The following GPC6 variants were observed in gnomAD, a reference collection of about 807,000 sequenced individuals.
GPC6 encodes the protein glypican-6.
A neutral mutation model predicts 55.2 loss-of-function variants in GPC6; 14 were observed. The ratio of observed to expected loss-of-function variants is 0.25; its 90% CI spans 0.17 to 0.40. The LOEUF is 0.40. Among genes scored for constraint, GPC6 ranks in the 10% least tolerant of loss-of-function variants. The probability of loss-of-function intolerance (pLI) is 1.00; values close to 1 mark genes in which losing one functional copy is unlikely to be tolerated. For missense variants in GPC6, 641 were observed against 708.5 expected (o/e 0.90, Z 1.08); for synonymous variants, 278 against 259.6 (o/e 1.07, Z -0.68).
intron 1 of GPC6, among the ~76,000 whole-genome samples, chr13:93,243,395 A>G (rs1423394678): frequency 6.6e-6 from 1 of 152,096 alleles, no homozygotes; most frequent in Non-Finnish European, 1.5e-5. Flanking sequence ...GGAATTGTTC[A>G]CCCATGTCTC....
chr13:93,334,486 A>T (rs1457596818), intron 1 of GPC6, among the ~76,000 whole-genome samples: 1 of 152,130 alleles, frequency 6.6e-6, no homozygotes, highest in African/African-American at 2.4e-5. Context: ...TTTTTGAGAC[A>T]GAGTCTCACT....
chr13:93,316,817 C>T (rs1323994), intron 1 of GPC6, among the ~76,000 whole-genome samples: 90,033 of 151,878 alleles, frequency 0.59, 26,880 homozygotes, highest in East Asian at 0.77. Flanking sequence ...GAGGAACTCA[C>T]GGATTAAATG....
At chr13:93,885,720 T>A (rs1463171553) in intron 3 of GPC6, among the ~76,000 whole-genome samples, 1 of 152,182 alleles carries the variant, frequency 6.6e-6, no homozygotes, top group Non-Finnish European at 1.5e-5. Context: ...ACATGCCAAT[T>A]TAGCCAAACA....
chr13:93,482,737 T>C (rs1879565513), intron 1 of GPC6, among the ~76,000 whole-genome samples: 1 of 152,152 alleles, frequency 6.6e-6, no homozygotes, highest in African/African-American at 2.4e-5. Context: ...ATATTTTGTA[T>C]TTTCCTTTTT....
In GPC6 at chr13:93,830,210, C is replaced by T. The variant is rs763966830; in HGVS notation, c.376C>T (p.Arg126Trp). 3.0e-5 allele frequency: 49 copies of T among 1,606,918 alleles called. No homozygotes were observed. Among genetic ancestry groups the T allele is most frequent in the Non-Finnish European group, 3.6e-5 (42 of 1,175,422 alleles). ...AAAGTCACTAAATGATATGTTTGTA[C>T]GGACCTATGGCATGCTGTACATGCA... is the stretch of plus-strand genomic sequence containing the variant. ...AEKSLNDMFVRTYGMLYMQNS... is the reference protein window; with the variant it reads ...AEKSLNDMFVWTYGMLYMQNS... Residue 126 changes from arginine to tryptophan, a missense_variant, in exon 3 of 9, where the codon CGG becomes TGG. Arg to Trp is a moderately radical substitution (Grantham distance 101). Transcript: ENST00000377047.
chr13:93,560,726 A>C (rs1204280945), intron 2 of GPC6, among the ~76,000 whole-genome samples: 2 of 150,450 alleles, frequency 1.3e-5, no homozygotes, highest in African/African-American at 2.5e-5. Flanking sequence ...AGATCATGAC[A>C]CTGCACTCCA....
chr13:94,339,751 C>CTTT lies in GPC6; in HGVS notation c.1152+33655_1152+33657dup, dbSNP rs56074677. Among the ~76,000 whole-genome samples the CTTT allele has an allele frequency of 2.5e-3, 159 of 63,810 alleles. 15 individuals carry two copies. The highest frequency in any genetic ancestry group is 0.013 in the Middle Eastern group (1 of 76). 41.9% of individuals were successfully genotyped at this position (63,810 alleles called of 152,430 possible). A position where few individuals can be genotyped will look rare whatever the true frequency, so the allele number is the denominator to read the frequency against. On this transcript the variant is annotated intron_variant, in intron 6 of 8. Coordinates refer to ENST00000377047, the MANE Select transcript of GPC6 (RefSeq NM_005708.5). ...TTAAGTCTGCAACCTGCATACTTTCCTTTTTTTTTTTTTTTTTTTTTTTTT... is the reference window on the plus strand; with the variant it reads ...TTAAGTCTGCAACCTGCATACTTTCCTTTTTTTTTTTTTTTTTTTTTTTTTTTT...
chr13:94,338,231 G>T (rs906094070), intron 6 of GPC6, among the ~76,000 whole-genome samples: 1 of 152,138 alleles, frequency 6.6e-6, no homozygotes, highest in East Asian at 1.9e-4. Flanking sequence ...AATCTCCAGG[G>T]ATTACTAATT....
chr13:93,633,074 G>T (rs1879528712), intron 2 of GPC6, among the ~76,000 whole-genome samples: 1 of 152,028 alleles, frequency 6.6e-6, no homozygotes, highest in Non-Finnish European at 1.5e-5. Context: ...TTATAATTTG[G>T]CAAGTCCCTT....
At chr13:94,309,071 C>T (rs949855902) in intron 6 of GPC6, among the ~76,000 whole-genome samples, 1 of 152,172 alleles carries the variant, frequency 6.6e-6, no homozygotes, top group African/African-American at 2.4e-5. Flanking sequence ...TTACCTACTC[C>T]TGTTTTAATT....
chr13:94,301,062 G>A (rs1223997102), intron 5 of GPC6, among the ~76,000 whole-genome samples: 3 of 152,114 alleles, frequency 2.0e-5, no homozygotes, highest in African/African-American at 7.2e-5. Flanking sequence ...AGGAAACCAT[G>A]GTCAAATAGT....
At chr13:93,654,085 G>C (rs1420154423) in intron 2 of GPC6, among the ~76,000 whole-genome samples, 1 of 152,080 alleles carries the variant, frequency 6.6e-6, no homozygotes. Flanking sequence ...AGAAATAACG[G>C]TTAGTTGGGA....
intron 1 of GPC6, among the ~76,000 whole-genome samples, chr13:93,483,048 C>T (rs1879576048): frequency 6.6e-6 from 1 of 152,128 alleles, no homozygotes; most frequent in African/African-American, 2.4e-5. Context: ...GGCACTCATC[C>T]TGATAGCCAG....
intron 1 of GPC6, among the ~76,000 whole-genome samples, chr13:93,419,667 T>A (rs2139257372): frequency 6.6e-6 from 1 of 152,292 alleles, no homozygotes; most frequent in East Asian, 1.9e-4. Flanking sequence ...TGAAGCCTCC[T>A]ATTAGCAACA....
chr13:93,694,190 A>C (rs554139325), intron 2 of GPC6, among the ~76,000 whole-genome samples: 1 of 152,256 alleles, frequency 6.6e-6, no homozygotes, highest in African/African-American at 2.4e-5. Flanking sequence ...GAACTCTGTA[A>C]ATTGTGGCTG....
At chr13:93,951,065 G>A (rs1440178936) in intron 3 of GPC6, among the ~76,000 whole-genome samples, 1 of 151,930 alleles carries the variant, frequency 6.6e-6, no homozygotes, top group Non-Finnish European at 1.5e-5. Flanking sequence ...ATTTTGTCTT[G>A]TATTACATAC....
intron 1 of GPC6, among the ~76,000 whole-genome samples, chr13:93,544,825 G>T (rs1470040766): frequency 2.0e-5 from 3 of 152,150 alleles, no homozygotes; most frequent in Admixed American, 1.3e-4. Flanking sequence ...GGACAGACTT[G>T]CAGAAAGAGA....
chr13:93,248,517 G>A (rs1008925749), intron 1 of GPC6, among the ~76,000 whole-genome samples: 3 of 151,134 alleles, frequency 2.0e-5, no homozygotes, highest in African/African-American at 7.3e-5. Context: ...ATAAGCAAGA[G>A]CAGGCTTTTT....
chr13:93,942,716 G>A (rs186927466), intron 3 of GPC6, among the ~76,000 whole-genome samples: 2 of 152,264 alleles, frequency 1.3e-5, no homozygotes, highest in African/African-American at 4.8e-5. Context: ...CTCAAGAGGA[G>A]GGATTACACA....
Sources: allele counts gnomAD v4.1 joint callset (sites outside exome capture counted in the v4.1 genomes callset), GRCh38; gene constraint gnomAD v4.1.1; transcripts MANE v1.5; gene names NCBI Gene and HGNC (gene_info 2026-07-23, HGNC 2026-07-21).